ANXA6: variants seen among roughly 807,000 people sequenced by gnomAD.
ANXA6 encodes 67 kDa calelectrin.
In ANXA6, 71 loss-of-function variants were observed where a neutral mutation model predicts 95.4. That is an observed-to-expected ratio of 0.74 (90% CI 0.61 to 0.91). The LOEUF is 0.91. ANXA6 is among the 40% of genes least tolerant of loss of function. The pLI is 0.00. For missense variants in ANXA6, 830 were observed against 876.4 expected (o/e 0.95, Z 0.67); for synonymous variants, 289 against 315.9 (o/e 0.91, Z 0.90).
chr5:151,133,336 A>G, intron 8 of ANXA6, 149 bp from the exon 9 acceptor site: 1 of 601,990 alleles, frequency 1.7e-6, no homozygotes, highest in Middle Eastern at 4.4e-4. Flanking sequence ...GTCATGCATC[A>G]TTTAATGATG....
At chr5:151,121,815 C>G in intron 17 of ANXA6, among the ~76,000 whole-genome samples, 1 of 152,216 alleles carries the variant, frequency 6.6e-6, no homozygotes, top group East Asian at 1.9e-4. Context: ...GAAGAAGGAA[C>G]TCTTTCTGCT....
At chr5:151,117,641 C>A (rs561322360) in intron 19 of ANXA6, 117 bp downstream of exon 19, 3 of 859,992 alleles carry the variant, frequency 3.5e-6, no homozygotes, top group East Asian at 5.4e-5. Flanking sequence ...TGGGGAGACA[C>A]CCCCTCTCCA....
intron 20 of ANXA6, among the ~76,000 whole-genome samples, chr5:151,116,393 G>T (rs938045167): frequency 6.6e-6 from 1 of 152,200 alleles, no homozygotes; most frequent in African/African-American, 2.4e-5. Context: ...CAAGGTGCAG[G>T]TCAGTGGGGG....
chr5:151,131,528 A>T (rs1765513055), intron 10 of ANXA6, among the ~76,000 whole-genome samples: 2 of 152,196 alleles, frequency 1.3e-5, no homozygotes, highest in African/African-American at 4.8e-5. Flanking sequence ...CATCACAAAG[A>T]CCGCCTTTAT....
At chr5:151,121,785 C>T (rs1765174966) in intron 17 of ANXA6, among the ~76,000 whole-genome samples, 1 of 152,204 alleles carries the variant, frequency 6.6e-6, no homozygotes, top group Admixed American at 6.5e-5. Flanking sequence ...AAATGCCAAG[C>T]CTGTTGTTGG....
intron 1 of ANXA6, among the ~76,000 whole-genome samples, chr5:151,156,571 C>T (rs1298702625): frequency 6.6e-6 from 1 of 152,066 alleles, no homozygotes; most frequent in Non-Finnish European, 1.5e-5. Flanking sequence ...GGGAAAAGGG[C>T]GGACTCTTGG....
intron 20 of ANXA6, among the ~76,000 whole-genome samples, chr5:151,113,521 A>G (rs990765669): frequency 4.6e-5 from 7 of 152,260 alleles, no homozygotes; most frequent in Non-Finnish European, 1.0e-4. Flanking sequence ...AGAGAGGGAC[A>G]TGTTTAAAAA....
chr5:151,136,403 G>T, intron 6 of ANXA6, 68 bp from the exon 7 acceptor site: 2 of 1,444,336 alleles, frequency 1.4e-6, no homozygotes, highest in Non-Finnish European at 1.9e-6. Flanking sequence ...AAAGGGCCCT[G>T]CTGCCCCCAA....
rs141595610 is a variant in ANXA6 at position 151,137,875 on chromosome 5, T to C, written c.319-554A>G. On this transcript the variant is annotated intron_variant, in intron 5 of 25. Transcript: ENST00000354546. ...TTACCCAATCTCAGGTGTTTCTTTA[T>C]AGCGATGTGAGAATGGACTAAAACA... 3.5e-3 allele frequency among the ~76,000 whole-genome samples: 540 copies of C among 152,330 alleles called. 6 individuals are homozygous for C. The highest frequency in any genetic ancestry group is 0.012 in the African/African-American group (518 of 41,566).
At chr5:151,120,703 A>G (rs1197030817) in intron 17 of ANXA6, among the ~76,000 whole-genome samples, 3 of 152,096 alleles carry the variant, frequency 2.0e-5, no homozygotes, top group Non-Finnish European at 2.9e-5. Context: ...TGGGCGAAAG[A>G]GCGAGACTCC....
At chr5:151,103,851 C>T (rs922750419) in intron 24 of ANXA6, among the ~76,000 whole-genome samples, 159 bp from the exon 25 acceptor site, 7 of 152,210 alleles carry the variant, frequency 4.6e-5, no homozygotes, top group African/African-American at 1.7e-4. Flanking sequence ...GACCAAAATC[C>T]CTCTGTGCCC....
rs760308168 is a variant in ANXA6 at position 151,136,354 on chromosome 5, G to A, written c.410-19C>T. ...TCGTAGGCTGCAGAAAGGAACGCAA[G>A]CTCTAGTCTCATCCCCAGAGACCTC... On this transcript the variant is annotated intron_variant, in intron 6 of 25. Coordinates refer to ENST00000354546, the MANE Select transcript of ANXA6 (RefSeq NM_001155.5). The A allele has an allele frequency of 1.1e-5, 17 of 1,612,914 alleles. No individual in the cohort carries two copies. In the African/African-American group the frequency reaches 2.0e-4, roughly 19 times the overall value.
At chr5:151,113,595 C>T (rs887058169) in intron 20 of ANXA6, among the ~76,000 whole-genome samples, 3 of 152,054 alleles carry the variant, frequency 2.0e-5, no homozygotes, top group African/African-American at 7.2e-5. Context: ...GTACCCTAGA[C>T]ATACTCGGTT....
chr5:151,152,782 C>G (rs1053434499), intron 1 of ANXA6, among the ~76,000 whole-genome samples: 1 of 152,036 alleles, frequency 6.6e-6, no homozygotes, highest in Non-Finnish European at 1.5e-5. Context: ...CAGTCAAAAT[C>G]TGGATTCAAT....
At chr5:151,117,277 G>T in intron 19 of ANXA6, 97 bp from the exon 20 acceptor site, 2 of 1,249,466 alleles carry the variant, frequency 1.6e-6, no homozygotes, top group Admixed American at 2.4e-5. Context: ...CTCTCTGAAT[G>T]CTCTTCCTCA....
intron 18 of ANXA6, among the ~76,000 whole-genome samples, chr5:151,118,348 C>G (rs531203722): frequency 6.6e-6 from 1 of 151,832 alleles, no homozygotes; most frequent in Non-Finnish European, 1.5e-5. Context: ...ACAGCCTCGA[C>G]CTCCCTGGGC....
At chr5:151,108,658 G>T in intron 22 of ANXA6, 108 bp from the exon 23 acceptor site, 1 of 920,920 alleles carries the variant, frequency 1.1e-6, no homozygotes, top group Non-Finnish European at 1.8e-6. Flanking sequence ...CTGAGAAAGT[G>T]GAAGGGCAGC....
intron 3 of ANXA6, 44 bp downstream of exon 3, chr5:151,140,109 T>G (rs10040510): frequency 6.3e-7 from 1 of 1,582,902 alleles, no homozygotes; most frequent in Non-Finnish European, 8.7e-7. Context: ...CTGTGTCTAC[T>G]TTTGGGGGAT....
chr5:151,132,665 G>A, intron 9 of ANXA6, 94 bp from the exon 10 acceptor site: 1 of 1,034,252 alleles, frequency 9.7e-7, no homozygotes, highest in Non-Finnish European at 1.4e-6. Context: ...CAGTGGCCAG[G>A]ACGACTGTCC....
Sources: allele counts gnomAD v4.1 joint callset (sites outside exome capture counted in the v4.1 genomes callset), GRCh38; gene constraint gnomAD v4.1.1; transcripts MANE v1.5; gene names NCBI Gene and HGNC (gene_info 2026-07-23, HGNC 2026-07-21).